FBXO22: variants seen among roughly 807,000 people sequenced by gnomAD.
The protein encoded by FBXO22 is F-box only protein 22.
Under a neutral mutation model 37.2 loss-of-function variants are expected in FBXO22, and 13 were observed. The ratio of observed to expected loss-of-function variants is 0.35; its 90% CI spans 0.23 to 0.56. FBXO22 has a LOEUF of 0.56. FBXO22 is among the 20% of genes least tolerant of loss of function. The probability of loss-of-function intolerance (pLI) is 0.87; values close to 1 mark genes in which losing one functional copy is unlikely to be tolerated. For synonymous variants in FBXO22, 189 were observed against 189.1 expected (o/e 1.00, Z 0.00); for missense variants, 446 against 509.9 (o/e 0.87, Z 1.21).
intron 6 of FBXO22, chr15:75,930,447 G>C: frequency 2.0e-6 from 2 of 1,003,554 alleles, no homozygotes; most frequent in Non-Finnish European, 2.4e-6. Flanking sequence ...GCCCAGTGCT[G>C]TGGAAATCTG....
chr15:75,917,474 A>C (rs1050468306), intron 5 of FBXO22, 80 bp downstream of exon 5: 11 of 1,045,812 alleles, frequency 1.1e-5, no homozygotes, highest in Non-Finnish European at 1.2e-5. Context: ...TAGTTGGTGG[A>C]TATTAGGTTC....
chr15:75,930,117 G>A (rs1490145406), intron 6 of FBXO22, 68 bp downstream of exon 6: 2 of 1,603,386 alleles, frequency 1.2e-6, no homozygotes, highest in African/African-American at 2.7e-5. Context: ...TGTCACTTTG[G>A]GGTTAACAAT....
At chr15:75,928,877 T>C (rs2029902209) in intron 5 of FBXO22, among the ~76,000 whole-genome samples, 1 of 152,178 alleles carries the variant, frequency 6.6e-6, no homozygotes, top group Admixed American at 6.5e-5. Flanking sequence ...GTCACAGAAT[T>C]GAACATTTTC....
At chr15:75,930,563 T>C (rs1435487670) in intron 6 of FBXO22, 1 of 986,028 alleles carries the variant, frequency 1.0e-6, no homozygotes, top group Non-Finnish European at 1.2e-6. Flanking sequence ...AATTCTGTAT[T>C]AGATCTTTTG....
At chr15:75,930,516 T>C in intron 6 of FBXO22, 1 of 987,802 alleles carries the variant, frequency 1.0e-6, no homozygotes, top group Non-Finnish European at 1.2e-6. Flanking sequence ...AAAACTTTTT[T>C]CCACAGAATG....
chr15:75,908,590 T>A (rs1368563400), intron 2 of FBXO22, among the ~76,000 whole-genome samples: 1 of 152,114 alleles, frequency 6.6e-6, no homozygotes, highest in Non-Finnish European at 1.5e-5. Context: ...TTTTTCTGTC[T>A]CCTTTACTCA....
At chr15:75,931,001 G>A (rs2029988978) in intron 6 of FBXO22, 1 of 270,422 alleles carries the variant, frequency 3.7e-6, no homozygotes, top group African/African-American at 2.3e-5. Flanking sequence ...GGAAGGCCAA[G>A]TACGTTGAAT....
intron 4 of FBXO22, 78 bp from the exon 5 acceptor site, chr15:75,917,152 G>A: frequency 9.6e-7 from 1 of 1,043,510 alleles, no homozygotes; most frequent in Admixed American, 2.7e-5. Flanking sequence ...TTAGCTTAAT[G>A]ATTATCTTAG....
chr15:75,930,323 G>T (rs1482349974), intron 6 of FBXO22: 3 of 1,350,694 alleles, frequency 2.2e-6, no homozygotes, highest in Non-Finnish European at 2.9e-6. Flanking sequence ...TCCTTTGACA[G>T]ATGTGGTACT....
rs935159082 is a variant in FBXO22, at chr15:75,933,171, C to T, written c.*69C>T. On this transcript the variant is annotated 3_prime_UTR_variant, in exon 7 of 7. Transcript: ENST00000308275. ...TTTTTCAGAAAATGGAAACTTGGGC[C>T]ATGTGTATTTCAAACAAAAATAACT... 7.5e-7 allele frequency: 1 copy of T among 1,339,312 alleles called. No homozygotes were observed. Among genetic ancestry groups the T allele is most frequent in the Non-Finnish European group, 1.0e-6 (1 of 976,928 alleles). 83.0% of individuals were successfully genotyped at this position (1,339,312 alleles called of 1,614,324 possible).
rs770989647 is a variant in FBXO22, at chr15:75,933,070, A to G, written c.1180A>G (p.Met394Val). 3.7e-6 allele frequency: 6 copies of G among 1,613,524 alleles called. No homozygotes were observed. The highest frequency in any genetic ancestry group is 4.2e-6 in the Non-Finnish European group (5 of 1,179,712). ...DDLFHSYTTIMALIHLGSSK is the reference protein window; with the variant it reads ...DDLFHSYTTIVALIHLGSSK ...TCTGTTTCATAGCTATACAACAATA[A>G]TGGCACTCATACATCTGGGGTCATC... Residue 394 changes from methionine (M) to valine (V), a missense_variant, in exon 7 of 7, where the codon ATG (methionine) becomes GTG (valine). Transcript: ENST00000308275.
At chr15:75,930,453 A>G in intron 6 of FBXO22, 1 of 997,708 alleles carries the variant, frequency 1.0e-6, no homozygotes, top group Non-Finnish European at 1.2e-6. Context: ...TGCTGTGGAA[A>G]TCTGGAAGGA....
At chr15:75,924,670 G>GCAGTGCCTGGCAGCTCTA (rs551172658) in intron 5 of FBXO22, among the ~76,000 whole-genome samples, 2 of 152,120 alleles carry the variant, frequency 1.3e-5, no homozygotes, top group Non-Finnish European at 2.9e-5. Context: ...TAGACTCAGA[G>GCAGTGCCTGGCAGCTCTA]CAGTGCCTGG....
At chr15:75,915,217 G>A (rs1328664825) in intron 4 of FBXO22, among the ~76,000 whole-genome samples, 5 of 151,926 alleles carry the variant, frequency 3.3e-5, no homozygotes, top group Non-Finnish European at 5.9e-5. Context: ...GTGATCCACC[G>A]CCTCAGCCTC....
Position 75,939,199 on chromosome 15 carries a change from C to T in FBXO22, c.*6097C>T, listed in dbSNP as rs2030683565. 2 of 151,682 alleles carry T rather than the reference C, an allele frequency of 1.3e-5. No homozygotes were observed. Among genetic ancestry groups the T allele is most frequent in the African/African-American group, 4.8e-5 (2 of 41,314 alleles). The allele number at this position is 151,682 out of a possible 1,614,324, so 9.4% of individuals were successfully genotyped here. Reference sequence around the variant, plus strand: ...AGACCATAAAGTTGGAAAGCCTATGCGTAGATAGACTAAGAAAAAAAGGAA... The same window carrying T: ...AGACCATAAAGTTGGAAAGCCTATGTGTAGATAGACTAAGAAAAAAAGGAA... On this transcript the variant is annotated 3_prime_UTR_variant, in exon 7 of 7. Coordinates refer to ENST00000308275, the MANE Select transcript of FBXO22 (RefSeq NM_147188.3).
rs550252123 is a variant in FBXO22, at chr15:75,917,297, A to G, written c.531A>G (p.Leu177=). 1 of 1,611,270 alleles carries G rather than the reference A, an allele frequency of 6.2e-7. No homozygotes were observed. Among genetic ancestry groups the G allele is most frequent in the African/African-American group, 1.3e-5 (1 of 74,966 alleles). Residue 177 remains leucine, a synonymous_variant, in exon 5 of 7, where the codon TTA becomes TTG. Coordinates refer to ENST00000308275, the MANE Select transcript of FBXO22 (RefSeq NM_147188.3). ...EIEIGESGFA[L]LFPQIEGIKI... ...AAATTGGAGAATCTGGTTTTGCTTT[A>G]TTATTCCCTCAAATTGAAGGAATAA...
At chr15:75,924,253 C>T (rs1304163237) in intron 5 of FBXO22, among the ~76,000 whole-genome samples, 1 of 152,100 alleles carries the variant, frequency 6.6e-6, no homozygotes, top group Non-Finnish European at 1.5e-5. Context: ...CTCAGTAGTG[C>T]ATGTTGATTG....
At chr15:75,919,012 C>T (rs1294765293) in intron 5 of FBXO22, among the ~76,000 whole-genome samples, 5 of 152,204 alleles carry the variant, frequency 3.3e-5, no homozygotes, top group South Asian at 2.1e-4. Flanking sequence ...GGCTGGAGTG[C>T]GGTGGCATGA....
Position 75,939,629 on chromosome 15 carries a change from C to A in FBXO22, c.*6527C>A, listed in dbSNP as rs898049468. On this transcript the variant is annotated 3_prime_UTR_variant, in exon 7 of 7. Transcript: ENST00000308275. ...CAGTTATTCCTTATGATCGCTGATT[C>A]AACAATTGTCAATACTAGGAAACTG... is the stretch of plus-strand genomic sequence containing the variant. 6.6e-6 allele frequency: 1 copy of A among 152,112 alleles called. No homozygotes were observed. The highest frequency in any genetic ancestry group is 1.5e-5 in the Non-Finnish European group (1 of 67,996). The allele number at this position is 152,112 out of a possible 1,614,324, so 9.4% of individuals were successfully genotyped here. A position where few individuals can be genotyped will look rare whatever the true frequency, so the allele number is the denominator to read the frequency against.
Sources: gnomAD v4.1 joint callset for allele counts (sites outside exome capture counted in the v4.1 genomes callset) on GRCh38, gnomAD v4.1.1 for gene constraint, MANE v1.5 for transcripts, NCBI Gene and HGNC (gene_info 2026-07-23, HGNC 2026-07-21) for gene names.